REPS2: variants seen among roughly 807,000 people sequenced by gnomAD.
The protein encoded by REPS2 is ralBP1-associated Eps domain-containing protein 2.
REPS2 carries 23 observed loss-of-function variants against 53.6 expected under a neutral mutation model. That is an observed-to-expected ratio of 0.43 (90% CI 0.31 to 0.61). The LOEUF is 0.61. Ranked by LOEUF, REPS2 falls within the 20% of genes least tolerant of loss-of-function variation. The pLI is 0.11. For synonymous variants in REPS2, 238 were observed against 218.6 expected, an observed-to-expected ratio of 1.09 and a Z score of -0.78; for missense variants, 446 against 534.9, an observed-to-expected ratio of 0.83 and a Z score of 1.64.
intron 1 of REPS2, among the ~76,000 whole-genome samples, chrX:16,953,523 T>A (rs1045485967): frequency 1.8e-5 from 2 of 111,866 alleles, no homozygotes; most frequent in East Asian, 5.6e-4. Flanking sequence ...TTATTGTATG[T>A]ATATGTGGAT....
chrX:16,978,956 T>G (rs2060988841), intron 1 of REPS2, among the ~76,000 whole-genome samples: 1 of 111,827 alleles, frequency 8.9e-6, no homozygotes, highest in Non-Finnish European at 1.9e-5. Context: ...AGAAACCAAG[T>G]GGCTCCTAGC....
chrX:17,173,609 G>A, the REPS2 span, among the ~76,000 whole-genome samples: 1 of 112,187 alleles, frequency 8.9e-6, no homozygotes, highest in Admixed American at 9.4e-5. Flanking sequence ...ATTACACAGG[G>A]TGTGAACATG....
At chrX:17,074,205 C>G in intron 12 of REPS2, 46 bp downstream of exon 12, 1 of 1,116,895 alleles carries the variant, frequency 9.0e-7, no homozygotes, top group Non-Finnish European at 1.2e-6. Flanking sequence ...GTGCCGTGCC[C>G]CTGCCTAGAA....
chrX:17,062,045 AC>A (rs1246456738), intron 8 of REPS2, among the ~76,000 whole-genome samples: 1 of 112,588 alleles, frequency 8.9e-6, no homozygotes, highest in Non-Finnish European at 1.9e-5. Flanking sequence ...TACATTAGAA[AC>A]TACACTAGTA....
chrX:17,147,451 G>A lies in REPS2; in HGVS notation c.1953G>A (p.Leu651=). 1.7e-6 allele frequency: 2 copies of A among 1,206,515 alleles called. No homozygotes were observed. Among genetic ancestry groups the A allele is most frequent in the Non-Finnish European group, 2.2e-6 (2 of 892,119 alleles). The change falls in exon 18 of 18, where the codon TTG becomes TTA. Residue 651 remains leucine (L), a synonymous_variant. Transcript: ENST00000357277. Reference sequence around the variant, plus strand: ...AACGAATTGCATTGGAAAACCAATTGGAACAACTTCGTCCGGTCACTGTGT... The same window carrying A: ...AACGAATTGCATTGGAAAACCAATTAGAACAACTTCGTCCGGTCACTGTGT... The part of the protein sequence containing the change: ...HQERIALENQ[L]EQLRPVTVL
rs10567369 is a variant in REPS2, at chrX:17,113,091, CAAAAAAAAA to C, written c.1578+9329_1578+9337del. Among the ~76,000 whole-genome samples, 4 of 13,560 alleles carry C rather than the reference CAAAAAAAAA, an allele frequency of 2.9e-4. No homozygotes were observed. In the South Asian group the frequency reaches 0.021, roughly 72 times the overall value. 11.8% of individuals were successfully genotyped at this position (13,560 alleles called of 115,157 possible). On this transcript the variant is annotated intron_variant, in intron 14 of 17. Coordinates refer to ENST00000357277, the MANE Select transcript of REPS2 (RefSeq NM_004726.3). ...CGGGCGACAGAGCAAGACTCTGTCT[CAAAAAAAAA>C]AAAAAAAAAAAAAAAAGAAACTGGA... is the stretch of plus-strand genomic sequence containing the variant.
At chrX:17,121,905 C>T (rs969309542) in intron 14 of REPS2, among the ~76,000 whole-genome samples, 4 of 110,832 alleles carry the variant, frequency 3.6e-5, no homozygotes, top group African/African-American at 9.9e-5. Flanking sequence ...CATGTGCCAC[C>T]ACACCCAGAT....
chrX:16,962,276 TACACACACACACACACAC>T (rs61520216), intron 1 of REPS2, among the ~76,000 whole-genome samples: 23 of 81,861 alleles, frequency 2.8e-4, no homozygotes, highest in African/African-American at 3.5e-4. Context: ...TATCGTGGGA[TACACACACACACACACAC>T]ACACACACAC....
downstream of REPS2, among the ~76,000 whole-genome samples, chrX:17,157,723 C>G (rs1172688060): frequency 8.9e-6 from 1 of 112,368 alleles, no homozygotes; most frequent in Non-Finnish European, 1.9e-5. Context: ...CCTTCTCTCC[C>G]TTTCTCTCAA....
chrX:17,118,330 TCTGCTTCTGCACCCTCTGC>T (rs1208553426), intron 14 of REPS2, among the ~76,000 whole-genome samples: 2 of 111,291 alleles, frequency 1.8e-5, no homozygotes, highest in African/African-American at 6.5e-5. Flanking sequence ...GCTGCCTCTG[TCTGCTTCTGCACCCTCTGC>T]CTGCTTCTGC....
intron 1 of REPS2, among the ~76,000 whole-genome samples, chrX:16,997,628 ACTAT>A (rs1040669166): frequency 3.5e-5 from 4 of 112,850 alleles, no homozygotes; most frequent in Admixed American, 9.3e-5. Context: ...AACTGCTATC[ACTAT>A]CTATTATCCT....
intron 1 of REPS2, among the ~76,000 whole-genome samples, chrX:16,951,500 T>TACAC (rs1157042780): frequency 0.017 from 1,047 of 60,057 alleles, 26 homozygotes; most frequent in African/African-American, 0.036. Context: ...AAACCCCATC[T>TACAC]ACACACACAC....
intron 13 of REPS2, among the ~76,000 whole-genome samples, chrX:17,078,354 C>G (rs1304222198): frequency 8.9e-6 from 1 of 112,394 alleles, no homozygotes; most frequent in African/African-American, 3.2e-5. Context: ...ACCTCTGTGT[C>G]TGGGCAGAGC....
At chrX:17,191,052 G>T in the REPS2 span, among the ~76,000 whole-genome samples, 5 of 111,025 alleles carry the variant, frequency 4.5e-5, no homozygotes, top group African/African-American at 1.6e-4. Flanking sequence ...GTGACCCAAG[G>T]AGTCCTTAGA....
intron 1 of REPS2, among the ~76,000 whole-genome samples, chrX:16,964,754 C>T (rs1166622189): frequency 2.0e-5 from 2 of 97,595 alleles, no homozygotes; most frequent in Non-Finnish European, 4.3e-5. Flanking sequence ...GCGCCCCTCA[C>T]CTCCCGGACG....
intron 14 of REPS2, among the ~76,000 whole-genome samples, chrX:17,112,644 T>A (rs2062986752): frequency 8.9e-6 from 1 of 111,769 alleles, no homozygotes; most frequent in African/African-American, 3.3e-5. Context: ...ATAAGTGAAA[T>A]TAGAAAATAC....
At position 16,974,983 on chromosome X, in the gene REPS2, T is replaced by C. The variant is rs189722342; in HGVS notation, c.273+27849T>C. Reference sequence around the variant, plus strand: ...CATGCAGTATTTGGTTTTCCGTTCCTGCATTAGTTTGCTTAGGATAATGGC... The same window carrying C: ...CATGCAGTATTTGGTTTTCCGTTCCCGCATTAGTTTGCTTAGGATAATGGC... On this transcript the variant is annotated intron_variant, in intron 1 of 17. Coordinates refer to ENST00000357277, the MANE Select transcript of REPS2 (RefSeq NM_004726.3). 1.7e-3 allele frequency among the ~76,000 whole-genome samples: 194 copies of C among 111,800 alleles called. 1 individual carries two copies. The Middle Eastern group carries it at 0.028, about 16-fold the overall frequency.
the REPS2 span, among the ~76,000 whole-genome samples, chrX:17,176,621 ATCCTACACT>A: frequency 5.3e-5 from 6 of 112,299 alleles, 1 homozygote; most frequent in South Asian, 2.2e-3. Context: ...CCAGAAACCC[ATCCTACACT>A]TCATTTCAGT....
chrX:17,006,542 G>C (rs755873116), intron 2 of REPS2, among the ~76,000 whole-genome samples, 198 bp downstream of exon 2: 1 of 111,816 alleles, frequency 8.9e-6, no homozygotes, highest in African/African-American at 3.3e-5. Context: ...AGAGTAACCT[G>C]AGATTAGTTC....
Sources: gnomAD v4.1 joint callset for allele counts (sites outside exome capture counted in the v4.1 genomes callset) on GRCh38, gnomAD v4.1.1 for gene constraint, MANE v1.5 for transcripts, NCBI Gene and HGNC (gene_info 2026-07-23, HGNC 2026-07-21) for gene names.